NBEA: variants seen among roughly 807,000 people sequenced by gnomAD.
The protein encoded by NBEA is lysosomal-trafficking regulator 2.
A neutral mutation model predicts 343.4 loss-of-function variants in NBEA; 44 were observed. The ratio of observed to expected loss-of-function variants is 0.13; its 90% CI spans 0.10 to 0.16. NBEA has a LOEUF of 0.16. NBEA is among the 10% of genes least tolerant of loss of function. NBEA has a pLI of 1.00. For missense variants in NBEA, 2,555 were observed against 3,631.3 expected (o/e 0.70, Z 7.62); for synonymous variants, 1,175 against 1,238.7 (o/e 0.95, Z 1.08).
chr13:35,476,219 A>G (rs938088888), intron 41 of NBEA: 1 of 1,602,254 alleles, frequency 6.2e-7, no homozygotes, highest in Non-Finnish European at 8.5e-7. Flanking sequence ...GCTGGAGCCA[A>G]CTTCGGTGGA....
intron 33 of NBEA, among the ~76,000 whole-genome samples, chr13:35,224,774 T>TTTTG (rs992660131): frequency 6.6e-6 from 1 of 152,150 alleles, no homozygotes; most frequent in African/African-American, 2.4e-5. Flanking sequence ...CTCTGGCTTT[T>TTTTG]TTTGTTTGTT....
At chr13:35,156,273 C>A (rs560887702) in intron 20 of NBEA, 67 bp downstream of exon 20, 7 of 1,389,040 alleles carry the variant, frequency 5.0e-6, no homozygotes, top group Non-Finnish European at 6.7e-6. Flanking sequence ...TTTAGATTTT[C>A]AATTCATTTC....
At chr13:34,998,659 C>T (rs936042540) in intron 1 of NBEA, among the ~76,000 whole-genome samples, 3 of 152,204 alleles carry the variant, frequency 2.0e-5, no homozygotes, top group Non-Finnish European at 4.4e-5. Flanking sequence ...CTGCCCAGCT[C>T]ACCGGCAGTC....
chr13:35,273,323 G>C (rs192626047), intron 34 of NBEA, among the ~76,000 whole-genome samples: 58 of 152,240 alleles, frequency 3.8e-4, no homozygotes, highest in African/African-American at 1.3e-3. Flanking sequence ...AAGACTCAAT[G>C]TACTAGAATC....
At chr13:35,555,257 A>C (rs190022798) in intron 44 of NBEA, among the ~76,000 whole-genome samples, 155 bp downstream of exon 44, 31 of 152,280 alleles carry the variant, frequency 2.0e-4, no homozygotes, top group African/African-American at 7.2e-4. Flanking sequence ...GAAACTGTGC[A>C]AGCTCATACC....
intron 38 of NBEA, among the ~76,000 whole-genome samples, chr13:35,374,159 G>A (rs1219492528): frequency 6.6e-6 from 1 of 152,054 alleles, no homozygotes; most frequent in Non-Finnish European, 1.5e-5. Context: ...CACTGGAACA[G>A]TTAGATGCCA....
At chr13:35,296,351 A>T (rs2036129622) in intron 35 of NBEA, among the ~76,000 whole-genome samples, 1 of 151,638 alleles carries the variant, frequency 6.6e-6, no homozygotes, top group Non-Finnish European at 1.5e-5. Flanking sequence ...ACTGCACTCC[A>T]GCCTAGGCGA....
chr13:35,404,807 AG>A lies in NBEA; in HGVS notation c.6180-27461del, dbSNP rs571793583. Among the ~76,000 whole-genome samples the A allele has an allele frequency of 6.4e-4, 97 of 152,284 alleles. 1 individual carries two copies. The highest frequency in any genetic ancestry group is 2.3e-3 in the African/African-American group (95 of 41,586). ...ACAATGATTAATTGCCAAATTTACAAGCAAGAGTATTTTAGAGAGAGGAATG... is the reference window on the plus strand; with the variant it reads ...ACAATGATTAATTGCCAAATTTACAACAAGAGTATTTTAGAGAGAGGAATG... On this transcript the variant is annotated intron_variant, in intron 38 of 58. Transcript: ENST00000379939.
chr13:35,328,693 T>G (rs1437158952), intron 36 of NBEA, among the ~76,000 whole-genome samples: 1 of 151,578 alleles, frequency 6.6e-6, no homozygotes, highest in Non-Finnish European at 1.5e-5. Context: ...TGTTCATGGA[T>G]CTGAAGACCC....
chr13:35,169,054 T>C (rs776727843), intron 25 of NBEA, 59 bp downstream of exon 25: 24 of 1,324,210 alleles, frequency 1.8e-5, no homozygotes, highest in Middle Eastern at 2.0e-4. Flanking sequence ...TTTTTACTTA[T>C]TTATGAAATT....
intron 36 of NBEA, among the ~76,000 whole-genome samples, chr13:35,310,839 G>C (rs1458640854): frequency 1.3e-5 from 2 of 152,032 alleles, no homozygotes; most frequent in African/African-American, 4.8e-5. Flanking sequence ...TTTCAAGTAG[G>C]GGAGTCATGA....
At chr13:35,361,998 A>G (rs1207693379) in intron 38 of NBEA, among the ~76,000 whole-genome samples, 1 of 151,918 alleles carries the variant, frequency 6.6e-6, no homozygotes, top group African/African-American at 2.4e-5. Flanking sequence ...GCATTTGTCA[A>G]GATTTATACA....
At position 35,110,953 on chromosome 13, in the gene NBEA, T is replaced by A; in HGVS notation, c.1977T>A (p.Ser659Arg). 12 of 1,611,090 alleles carry A rather than the reference T, an allele frequency of 7.4e-6. No individual in the cohort carries two copies. Among genetic ancestry groups the A allele is most frequent in the Non-Finnish European group, 1.0e-5 (12 of 1,177,820 alleles). Reference sequence around the variant, plus strand: ...ACTGGGTTATTAATCCTGCTGACAGTAGTGGCATTACACCTAAAGGATTAG... The same window carrying A: ...ACTGGGTTATTAATCCTGCTGACAGAAGTGGCATTACACCTAAAGGATTAG... ...YYYWVINPAD[S>R]SGITPKGLDG... is the part of the protein sequence containing the mutation. Residue 659 changes from serine (S) to arginine (R), a missense_variant, in exon 13 of 59, where the codon AGT (serine) becomes AGA (arginine). Around this residue, in one of 21 missense-constraint regions of NBEA, gnomAD observed 360 missense variants for 519.1 expected, o/e 0.69. Coordinates refer to ENST00000379939, the MANE Select transcript of NBEA (RefSeq NM_001385012.1).
chr13:35,041,368 T>A (rs2062642160), intron 2 of NBEA, among the ~76,000 whole-genome samples: 1 of 152,066 alleles, frequency 6.6e-6, no homozygotes, highest in African/African-American at 2.4e-5. Flanking sequence ...TAGACAAACA[T>A]AATTACTAAT....
chr13:35,298,058 A>G (rs1394527836), intron 35 of NBEA, among the ~76,000 whole-genome samples: 1 of 151,648 alleles, frequency 6.6e-6, no homozygotes, highest in Non-Finnish European at 1.5e-5. Flanking sequence ...TACCAATAAC[A>G]TAAGCCATCA....
chr13:35,559,931 A>C (rs1224612347), intron 44 of NBEA, among the ~76,000 whole-genome samples: 1 of 16,218 alleles, frequency 6.2e-5, no homozygotes, highest in Non-Finnish European at 3.7e-4. Context: ...ACTCCGTCTC[A>C]AAAAAAAAAA....
chr13:35,455,352 A>T (rs2046519660), intron 40 of NBEA, among the ~76,000 whole-genome samples: 1 of 151,804 alleles, frequency 6.6e-6, no homozygotes, highest in African/African-American at 2.4e-5. Context: ...GTTAAGATTA[A>T]TTCTGTTCTT....
intron 53 of NBEA, among the ~76,000 whole-genome samples, chr13:35,652,634 C>A (rs1276102645): frequency 7.3e-6 from 1 of 137,116 alleles, no homozygotes; most frequent in Non-Finnish European, 1.6e-5. Context: ...GAGCGAGACT[C>A]CATCTCAAAA....
chr13:35,311,731 G>T (rs1051646728), intron 36 of NBEA, among the ~76,000 whole-genome samples: 1 of 152,046 alleles, frequency 6.6e-6, no homozygotes, highest in Non-Finnish European at 1.5e-5. Flanking sequence ...GCAGGTGCCC[G>T]TAATCCCAGC....
Sources: gnomAD v4.1 joint callset for allele counts (sites outside exome capture counted in the v4.1 genomes callset) on GRCh38, gnomAD v4.1.1 for gene constraint, gnomAD v4.1.1 regional missense constraint, MANE v1.5 for transcripts, NCBI Gene and HGNC (gene_info 2026-07-23, HGNC 2026-07-21) for gene names.